The following GARNL3 variants were observed in gnomAD, a reference collection of about 807,000 sequenced individuals.
GARNL3 encodes GTPase activating Rap/RanGAP domain like 3, also known as GTPase-activating Rap/Ran-GAP domain-like protein 3.
Under a neutral mutation model 125.0 loss-of-function variants are expected in GARNL3, and 63 were observed. That is an observed-to-expected ratio of 0.50 (90% CI 0.41 to 0.62). GARNL3 has a LOEUF of 0.62. Among genes scored for constraint, GARNL3 ranks in the 20% least tolerant of loss-of-function variants. The pLI is 0.00. For synonymous variants in GARNL3, 439 were observed against 457.5 expected, an observed-to-expected ratio of 0.96 and a Z score of 0.52; for missense variants, 994 against 1,244.0, an observed-to-expected ratio of 0.80 and a Z score of 3.02.
chr9:127,336,063 T>A, intron 10 of GARNL3, 65 bp from the exon 11 acceptor site: 1 of 1,204,148 alleles, frequency 8.3e-7, no homozygotes, highest in South Asian at 1.3e-5. Flanking sequence ...GTTATGTTTT[T>A]TTAACTCTGT....
chr9:127,350,570 C>G (rs533432099), intron 17 of GARNL3, among the ~76,000 whole-genome samples: 165 of 151,894 alleles, frequency 1.1e-3, no homozygotes, highest in African/African-American at 3.9e-3. Context: ...ATCAGGTGTT[C>G]GAGACCAGCT....
chr9:127,231,040 A>ATG (rs1376359454), intron 1 of GARNL3, among the ~76,000 whole-genome samples: 53 of 46,314 alleles, frequency 1.1e-3, no homozygotes, highest in African/African-American at 6.7e-3. Context: ...ATATACATAT[A>ATG]TATATATATA....
chr9:127,334,576 C>G (rs965575955), intron 9 of GARNL3, among the ~76,000 whole-genome samples: 4 of 152,152 alleles, frequency 2.6e-5, no homozygotes, highest in African/African-American at 9.7e-5. Flanking sequence ...CCTCTCATAC[C>G]CCCGCTGCCA....
Position 127,339,872 on chromosome 9 carries a change from T to G in GARNL3, c.1135+121T>G, listed in dbSNP as rs1588888262. On this transcript the variant is annotated intron_variant, in intron 13 of 27. Transcript: ENST00000373387. Reference sequence around the variant, plus strand: ...TTTAAGCATTCCATGTTCCGTTAATTCTTTGCACAACATGTGTTTAGTATT... The same window carrying G: ...TTTAAGCATTCCATGTTCCGTTAATGCTTTGCACAACATGTGTTTAGTATT... The G allele has an allele frequency of 3.7e-5, 27 of 731,158 alleles. No homozygotes were observed. In the East Asian group the frequency reaches 6.5e-4, roughly 18 times the overall value. 45.3% of individuals were successfully genotyped at this position (731,158 alleles called of 1,614,324 possible).
At chr9:127,245,790 G>C (rs2063291423) in intron 2 of GARNL3, among the ~76,000 whole-genome samples, 1 of 152,184 alleles carries the variant, frequency 6.6e-6, no homozygotes, top group Non-Finnish European at 1.5e-5. Context: ...TACAGGTAAG[G>C]GTGCGGAGGC....
At chr9:127,372,086 C>G (rs1430500280) in intron 22 of GARNL3, among the ~76,000 whole-genome samples, 2 of 152,200 alleles carry the variant, frequency 1.3e-5, no homozygotes, top group South Asian at 2.1e-4. Flanking sequence ...GTGCATGCCA[C>G]CATGCCCGGC....
At chr9:127,326,747 T>C (rs147414560) in intron 7 of GARNL3, among the ~76,000 whole-genome samples, 18 of 152,198 alleles carry the variant, frequency 1.2e-4, no homozygotes, top group African/African-American at 4.3e-4. Flanking sequence ...CCTTGGGAAG[T>C]AATTAGGTCA....
intron 2 of GARNL3, among the ~76,000 whole-genome samples, chr9:127,297,771 A>T (rs926864002): frequency 1.3e-5 from 2 of 152,164 alleles, no homozygotes; most frequent in African/African-American, 4.8e-5. Context: ...TTTTATTTTT[A>T]AAAAGTCATT....
chr9:127,242,972 C>CCTTG lies in GARNL3; in HGVS notation c.-28-103_-28-100dup. On this transcript the variant is annotated intron_variant, in intron 1 of 10. Coordinates refer to the GARNL3 transcript ENST00000439286. The surrounding 1 kb of genome is among the most constrained non-coding windows in gnomAD (Gnocchi z 4.6). The stretch of plus-strand genomic sequence containing the variant: ...GAGGGTGCTTCAGTGTCACCCTCCT[C>CCTTG]CTTGCTTACCAGCGGGGCTGCCTTT... The CCTTG allele has an allele frequency of 9.9e-7, 1 of 1,009,340 alleles. No individual in the cohort carries two copies. The highest frequency in any genetic ancestry group is 1.6e-5 in the South Asian group (1 of 62,528). The allele number at this position is 1,009,340 out of a possible 1,614,324, so 62.5% of individuals were successfully genotyped here.
At chr9:127,357,472 A>T (rs1212153136) in intron 21 of GARNL3, 95 bp downstream of exon 21, 11 of 1,205,322 alleles carry the variant, frequency 9.1e-6, no homozygotes, top group Non-Finnish European at 1.3e-5. Context: ...GATTTCTTTA[A>T]AATTATGTAC....
chr9:127,350,694 T>G (rs770786604), intron 17 of GARNL3, among the ~76,000 whole-genome samples: 4 of 151,854 alleles, frequency 2.6e-5, no homozygotes, highest in Non-Finnish European at 4.4e-5. Context: ...GAGAATCACT[T>G]GAACCCAGGA....
At chr9:127,227,964 G>A (rs565748108) in intron 1 of GARNL3, among the ~76,000 whole-genome samples, 1 of 152,208 alleles carries the variant, frequency 6.6e-6, no homozygotes, top group African/African-American at 2.4e-5. Flanking sequence ...GAAGAAATCT[G>A]AAAAATCAAG....
At chr9:127,238,220 C>T (rs962477330) in intron 1 of GARNL3, among the ~76,000 whole-genome samples, 8 of 152,124 alleles carry the variant, frequency 5.3e-5, no homozygotes, top group Admixed American at 5.2e-4. Context: ...AACTCCTGAC[C>T]TCGTGATCCG....
chr9:127,361,943 A>G (rs1430125378), intron 21 of GARNL3: 1 of 149,574 alleles, frequency 6.7e-6, no homozygotes, highest in East Asian at 2.0e-4. Context: ...CACCTTTCCC[A>G]CTGCAGTCAA....
At chr9:127,230,222 C>A (rs1241776556) in intron 1 of GARNL3, among the ~76,000 whole-genome samples, 4 of 152,210 alleles carry the variant, frequency 2.6e-5, no homozygotes, top group Non-Finnish European at 4.4e-5. Flanking sequence ...AATTGCGTAA[C>A]CCCTCTGAAC....
chr9:127,250,426 C>T (rs543310205), intron 2 of GARNL3, among the ~76,000 whole-genome samples: 42 of 152,282 alleles, frequency 2.8e-4, no homozygotes, highest in African/African-American at 9.6e-4. Flanking sequence ...TGAGAGAAGA[C>T]ATGGGAGATG....
chr9:127,278,763 A>G (rs569884125), intron 1 of GARNL3, among the ~76,000 whole-genome samples: 2 of 152,146 alleles, frequency 1.3e-5, no homozygotes, highest in Admixed American at 1.3e-4. Flanking sequence ...TAGCAGGGCC[A>G]TCCTCCCTCT....
At chr9:127,360,495 G>A (rs1830935280) in intron 21 of GARNL3, among the ~76,000 whole-genome samples, 1 of 152,180 alleles carries the variant, frequency 6.6e-6, no homozygotes, top group Non-Finnish European at 1.5e-5. Context: ...ATCTTTCAAG[G>A]AGGGTACTGT....
In GARNL3 at chr9:127,384,722, T is replaced by A. The variant is rs537044937; in HGVS notation, c.2270-305T>A. Among the ~76,000 whole-genome samples the A allele has an allele frequency of 6.6e-6, 1 of 152,296 alleles. No individual in the cohort carries two copies. The highest frequency in any genetic ancestry group is 2.1e-4 in the South Asian group (1 of 4,826). ...CAACAGAAGGGACTCCCCACAGGAC[T>A]ATGGCAAGTGAGCTGCCTCGCTGGA... On this transcript the variant is annotated intron_variant, in intron 23 of 27. Coordinates refer to ENST00000373387, the MANE Select transcript of GARNL3 (RefSeq NM_032293.5). The surrounding 1 kb of genome is among the most constrained non-coding windows in gnomAD (Gnocchi z 4.0).
Sources: gnomAD v4.1 joint callset for allele counts (sites outside exome capture counted in the v4.1 genomes callset) on GRCh38, gnomAD v4.1.1 for gene constraint, Gnocchi (gnomAD v3.1) non-coding constraint, MANE v1.5 for transcripts, NCBI Gene and HGNC (gene_info 2026-07-23, HGNC 2026-07-21) for gene names.